Variants in OXTR observed in about 807,000 individuals in gnomAD.
OXTR encodes oxytocin receptor.
In OXTR, 19 loss-of-function variants were observed where a neutral mutation model predicts 23.9. The ratio of observed to expected loss-of-function variants is 0.80; its 90% CI spans 0.56 to 1.17. OXTR has a LOEUF of 1.17. Ranked by LOEUF, OXTR falls within the 50% of genes most tolerant of loss-of-function variation. The probability of loss-of-function intolerance (pLI) is 0.00; values close to 1 mark genes in which losing one functional copy is unlikely to be tolerated. For missense variants in OXTR, 500 were observed against 550.7 expected, an observed-to-expected ratio of 0.91 and a Z score of 0.92; for synonymous variants, 278 against 250.5, an observed-to-expected ratio of 1.11 and a Z score of -1.04.
chr3:8,752,236 T>TGC lies in OXTR; in HGVS notation c.*740_*741insGC, dbSNP rs1708277253. On this transcript the variant is annotated 3_prime_UTR_variant, in exon 4 of 4. Transcript: ENST00000316793. The stretch of plus-strand genomic sequence containing the variant: ...ACTTGCTTATTAGTTCTAATAGCTG[T>TGC]GTGCGTGTGTGTGTGTGTGTGTGTG... 7.1e-6 allele frequency: 1 copy of TGC among 140,996 alleles called. No individual in the cohort carries two copies. Among genetic ancestry groups the TGC allele is most frequent in the African/African-American group, 2.7e-5 (1 of 36,576 alleles). 8.7% of individuals were successfully genotyped at this position (140,996 alleles called of 1,614,324 possible).
the OXTR span, among the ~76,000 whole-genome samples, chr3:8,744,322 A>T: frequency 7.4e-6 from 1 of 135,586 alleles, no homozygotes; most frequent in East Asian, 2.1e-4. Flanking sequence ...TCTGTCACCC[A>T]GGCTGGAGTG....
intron 3 of OXTR, among the ~76,000 whole-genome samples, chr3:8,765,158 C>A (rs1172733220): frequency 6.6e-6 from 1 of 152,162 alleles, no homozygotes; most frequent in Admixed American, 6.5e-5. Flanking sequence ...ACAAAGAAAT[C>A]AATTGTTGAC....
chr3:8,761,339 G>A (rs1163981876), intron 3 of OXTR, among the ~76,000 whole-genome samples: 2 of 152,316 alleles, frequency 1.3e-5, no homozygotes, highest in East Asian at 3.9e-4. Flanking sequence ...GTGTGTGTGT[G>A]TGTAGGTGTT....
At chr3:8,754,618 C>T (rs17049512) in intron 3 of OXTR, among the ~76,000 whole-genome samples, 2,475 of 152,248 alleles carry the variant, frequency 0.016, 80 homozygotes, top group African/African-American at 0.056. Context: ...TGTTTGTCAG[C>T]GAAGTCTTCA....
At position 8,751,114 on chromosome 3, in the gene OXTR, C is replaced by G. The variant is rs1315230670; in HGVS notation, c.*1863G>C. On this transcript the variant is annotated 3_prime_UTR_variant, in exon 4 of 4. Coordinates refer to ENST00000316793, the MANE Select transcript of OXTR (RefSeq NM_000916.4). Reference sequence around the variant, plus strand: ...GGAATCTCATTGTGATTTTGACTTGCATTTCCCTAATGAATAATAATGTTG... The same window carrying G: ...GGAATCTCATTGTGATTTTGACTTGGATTTCCCTAATGAATAATAATGTTG... 1 of 152,200 alleles carries G rather than the reference C, an allele frequency of 6.6e-6. No homozygotes were observed. Among genetic ancestry groups the G allele is most frequent in the East Asian group, 1.9e-4 (1 of 5,198 alleles). 9.4% of individuals were successfully genotyped at this position (152,200 alleles called of 1,614,324 possible). A position where few individuals can be genotyped will look rare whatever the true frequency, so the allele number is the denominator to read the frequency against.
At chr3:8,760,982 T>C (rs58102519) in intron 3 of OXTR, among the ~76,000 whole-genome samples, 8,090 of 152,264 alleles carry the variant, frequency 0.053, 552 homozygotes, top group African/African-American at 0.16. Context: ...TTTGGCAATG[T>C]CTGGAGACAG....
intron 3 of OXTR, among the ~76,000 whole-genome samples, chr3:8,763,967 T>A (rs1052215823): frequency 3.3e-5 from 5 of 152,194 alleles, no homozygotes; most frequent in African/African-American, 9.6e-5. Context: ...ATCTATTTTA[T>A]CTTGTTGAGG....
chr3:8,768,113 G>C lies in OXTR; in HGVS notation c.75C>G (p.Gly25=), dbSNP rs767845534. ...NASAAPPGAE[G]NRTAGPPRRN... is the part of the protein sequence containing the mutation. Reference sequence around the variant, plus strand: ...GCCGCGGGGGTCCGGCGGTGCGGTTGCCCTCGGCCCCCGGCGGCGCGGCGC... The same window carrying C: ...GCCGCGGGGGTCCGGCGGTGCGGTTCCCCTCGGCCCCCGGCGGCGCGGCGC... The change falls in exon 3 of 4, where the codon GGC becomes GGG. Residue 25 remains glycine (G), a synonymous_variant. Coordinates refer to ENST00000316793, the MANE Select transcript of OXTR (RefSeq NM_000916.4). This position sits in a 1 kb window ranked among gnomAD's most constrained non-coding sequence, Gnocchi z 5.4. 2.5e-5 allele frequency: 34 copies of C among 1,380,934 alleles called. No homozygotes were observed. Among genetic ancestry groups the C allele is most frequent in the African/African-American group, 1.5e-5 (1 of 65,542 alleles). The allele number at this position is 1,380,934 out of a possible 1,614,324, so 85.5% of individuals were successfully genotyped here. A position where few individuals can be genotyped will look rare whatever the true frequency, so the allele number is the denominator to read the frequency against.
chr3:8,749,448 C>T (rs1245833021), downstream of OXTR, among the ~76,000 whole-genome samples: 4 of 152,096 alleles, frequency 2.6e-5, no homozygotes, highest in African/African-American at 7.2e-5. Flanking sequence ...TCTGTTGGCT[C>T]CTAGGATGGC....
chr3:8,762,817 C>T (rs1708518005), intron 3 of OXTR, among the ~76,000 whole-genome samples: 1 of 152,234 alleles, frequency 6.6e-6, no homozygotes, highest in Non-Finnish European at 1.5e-5. Context: ...TTGGTTGCCC[C>T]AGTGATGGGG....
rs114412237 is a variant in OXTR at position 8,753,342 on chromosome 3, T to C, written c.923-118A>G. 4.8e-4 allele frequency: 573 copies of C among 1,205,336 alleles called. 3 individuals carry two copies. In the African/African-American group the frequency reaches 7.1e-3, roughly 15 times the overall value. The allele number at this position is 1,205,336 out of a possible 1,614,324, so 74.7% of individuals were successfully genotyped here. Reference sequence around the variant, plus strand: ...GCGACAGCCTTGTCCAAGTACTACATCCTGAATCACAAGATGAGGTACTAA... The same window carrying C: ...GCGACAGCCTTGTCCAAGTACTACACCCTGAATCACAAGATGAGGTACTAA... On this transcript the variant is annotated intron_variant, in intron 3 of 3. Transcript: ENST00000316793.
Position 8,767,473 on chromosome 3 carries a change from C to T in OXTR, c.715G>A (p.Ala239Thr). 1 of 1,603,568 alleles carries T rather than the reference C, an allele frequency of 6.2e-7. No homozygotes were observed. Among genetic ancestry groups the T allele is most frequent in the East Asian group, 2.2e-5 (1 of 44,506 alleles). ...GCGCCCTCTGGCGCCTCGGCCGCCG[C>T]CGCTGCAGCGGTCTTGAGCCGCAAG... ...QNLRLKTAAA[A>T]AAEAPEGAAA... Residue 239 changes from alanine (A) to threonine (T), a missense_variant, in exon 3 of 4, where the codon GCG becomes ACG. By Grantham distance (58) the Ala-to-Thr change is moderately conservative. Coordinates refer to ENST00000316793, the MANE Select transcript of OXTR (RefSeq NM_000916.4).
chr3:8,768,208 G>A lies in OXTR; in HGVS notation c.-21C>T. On this transcript the variant is annotated 5_prime_UTR_variant, in exon 3 of 4. Transcript: ENST00000316793. This position sits in a 1 kb window ranked among gnomAD's most constrained non-coding sequence, Gnocchi z 5.4. ...TCCATGACCCTGGCGGCAGCGGTGC[G>A]CCCCGGCCTTCGAGCCCTTTACGGC... 7.8e-7 allele frequency: 1 copy of A among 1,280,614 alleles called. No individual in the cohort carries two copies. Among genetic ancestry groups the A allele is most frequent in the Non-Finnish European group, 9.8e-7 (1 of 1,020,046 alleles). The allele number at this position is 1,280,614 out of a possible 1,614,324, so 79.3% of individuals were successfully genotyped here.
At chr3:8,758,313 C>T (rs1201618833) in intron 3 of OXTR, among the ~76,000 whole-genome samples, 1 of 152,120 alleles carries the variant, frequency 6.6e-6, no homozygotes, top group African/African-American at 2.4e-5. Context: ...AGCTGGCCAC[C>T]GCCTCTCCGG....
intron 3 of OXTR, among the ~76,000 whole-genome samples, chr3:8,760,993 T>C (rs1251609910): frequency 1.3e-5 from 2 of 152,114 alleles, no homozygotes; most frequent in African/African-American, 4.8e-5. Context: ...CTGGAGACAG[T>C]TTTGGTGGCC....
At chr3:8,757,307 A>C (rs1268529790) in intron 3 of OXTR, among the ~76,000 whole-genome samples, 3 of 148,728 alleles carry the variant, frequency 2.0e-5, no homozygotes, top group Non-Finnish European at 4.4e-5. Flanking sequence ...TATTAATATT[A>C]ATATTAATGT....
At position 8,768,932 on chromosome 3, in the gene OXTR, C is replaced by T. The variant is rs1179779946; in HGVS notation, c.-239+299G>A. On this transcript the variant is annotated intron_variant, in intron 1 of 3. Coordinates refer to ENST00000316793, the MANE Select transcript of OXTR (RefSeq NM_000916.4). This position sits in a 1 kb window ranked among gnomAD's most constrained non-coding sequence, Gnocchi z 5.4. ...GGTTCTGCAGTCCCTGCTGGGGGAA[C>T]CCCTGCCTCAAAGCCCAAGATGCCC... 6.6e-6 allele frequency among the ~76,000 whole-genome samples: 1 copy of T among 152,186 alleles called. No homozygotes were observed. Among genetic ancestry groups the T allele is most frequent in the Non-Finnish European group, 1.5e-5 (1 of 68,048 alleles).
At chr3:8,764,606 T>C (rs927695918) in intron 3 of OXTR, among the ~76,000 whole-genome samples, 3 of 152,168 alleles carry the variant, frequency 2.0e-5, no homozygotes, top group Non-Finnish European at 4.4e-5. Context: ...GTTGCAATTA[T>C]CCAAATTAAG....
chr3:8,748,156 G>C (rs891645928), downstream of OXTR, among the ~76,000 whole-genome samples: 2 of 152,190 alleles, frequency 1.3e-5, no homozygotes, highest in African/African-American at 4.8e-5. Context: ...AGGTTCCAAG[G>C]CTCTAGCTAC....
Sources: allele counts gnomAD v4.1 joint callset (sites outside exome capture counted in the v4.1 genomes callset), GRCh38; gene constraint gnomAD v4.1.1; non-coding constraint Gnocchi (gnomAD v3.1); transcripts MANE v1.5; gene names NCBI Gene and HGNC (gene_info 2026-07-23, HGNC 2026-07-21).